XPA: variants seen among roughly 807,000 people sequenced by gnomAD.
XPA encodes the protein DNA repair protein complementing XP-A cells.
In XPA, 27 loss-of-function variants were observed where a neutral mutation model predicts 35.7. That is an observed-to-expected ratio of 0.76 (90% CI 0.56 to 1.04). The LOEUF (loss-of-function observed/expected upper bound fraction) is 1.04. XPA is among the 50% of genes least tolerant of loss of function. The pLI, the probability that XPA is intolerant of heterozygous loss-of-function variation, is 0.00. For synonymous variants in XPA, 133 were observed against 118.4 expected (o/e 1.12, Z -0.80); for missense variants, 354 against 342.7 (o/e 1.03, Z -0.26).
At chr9:97,679,259 A>G (rs1318064848) in intron 5 of XPA, among the ~76,000 whole-genome samples, 1 of 152,214 alleles carries the variant, frequency 6.6e-6, no homozygotes, top group African/African-American at 2.4e-5. Flanking sequence ...AAAAAAATAA[A>G]TACTGTGTAT....
At chr9:97,689,274 ACT>A (rs1554701908) in intron 3 of XPA, among the ~76,000 whole-genome samples, 1 of 151,928 alleles carries the variant, frequency 6.6e-6, no homozygotes, top group Non-Finnish European at 1.5e-5. Context: ...ACAAAAAAAA[ACT>A]CAGGCCAGCA....
the XPA span, among the ~76,000 whole-genome samples, chr9:97,657,807 C>T: frequency 1.3e-5 from 2 of 150,588 alleles, no homozygotes; most frequent in South Asian, 2.1e-4. Context: ...ATATTTCATT[C>T]GATGGGTTAT....
intron 5 of XPA, among the ~76,000 whole-genome samples, chr9:97,677,795 T>C (rs1183231145): frequency 6.6e-6 from 1 of 151,904 alleles, no homozygotes; most frequent in Non-Finnish European, 1.5e-5. Flanking sequence ...AATCCAGTCC[T>C]ATGGAGCAAG....
chr9:97,661,243 C>T, the XPA span, among the ~76,000 whole-genome samples: 1 of 152,254 alleles, frequency 6.6e-6, no homozygotes, highest in East Asian at 1.9e-4. Flanking sequence ...GAGATCCTAA[C>T]ATTTCTGTGA....
chr9:97,697,214 T>C lies in XPA; in HGVS notation c.79A>G (p.Ser27Gly), dbSNP rs1274100357. The C allele has an allele frequency of 6.2e-7, 1 of 1,601,198 alleles. No homozygotes were observed. Among genetic ancestry groups the C allele is most frequent in the South Asian group, 1.1e-5 (1 of 90,880 alleles). ...PAELPASVRA[S>G]IERKRQRALM... is the part of the protein sequence containing the mutation. ...GCCCGCTGCCGCTTCCGCTCGATAC[T>C]CGCCCGCACCGAGGCAGGCAGCTCC... is the stretch of plus-strand genomic sequence containing the variant. The change falls in exon 1 of 6, where the codon AGT becomes GGT. Residue 27 changes from serine (S) to glycine (G), a missense_variant. By Grantham distance (56) the Ser-to-Gly change is moderately conservative (BLOSUM62 0). Coordinates refer to ENST00000375128, the MANE Select transcript of XPA (RefSeq NM_000380.4).
the XPA span, among the ~76,000 whole-genome samples, chr9:97,657,885 G>GCTCTCTCTCTCTCT: frequency 3.8e-3 from 438 of 113,776 alleles, 3 homozygotes; most frequent in African/African-American, 0.015. Context: ...GCCCCGGTAA[G>GCTCTCTCTCTCTCT]CTCTCTCTCT....
the XPA span, among the ~76,000 whole-genome samples, chr9:97,663,643 C>T: frequency 7.9e-5 from 12 of 151,866 alleles, no homozygotes; most frequent in Non-Finnish European, 1.6e-4. Flanking sequence ...CACCACCACA[C>T]CTGGCTGATT....
chr9:97,667,984 G>T, the XPA span, among the ~76,000 whole-genome samples: 5 of 152,196 alleles, frequency 3.3e-5, no homozygotes, highest in Non-Finnish European at 7.4e-5. Context: ...AATGGGCTGT[G>T]TTTATAGAGA....
the XPA span, among the ~76,000 whole-genome samples, chr9:97,667,417 T>TA: frequency 6.6e-6 from 1 of 152,014 alleles, no homozygotes; most frequent in Non-Finnish European, 1.5e-5. Context: ...TAGTAGAAGG[T>TA]GAAAAAAAGT....
the XPA span, among the ~76,000 whole-genome samples, chr9:97,660,033 AT>A: frequency 6.6e-6 from 1 of 152,130 alleles, no homozygotes; most frequent in South Asian, 2.1e-4. Flanking sequence ...AGCTGTAAAT[AT>A]TTTTTAACCG....
intron 2 of XPA, among the ~76,000 whole-genome samples, chr9:97,691,478 G>T (rs1449359669): frequency 6.6e-6 from 1 of 152,134 alleles, no homozygotes; most frequent in Non-Finnish European, 1.5e-5. Context: ...AAGGTGGGTG[G>T]ATCACTTGAG....
the XPA span, chr9:97,654,731 GAA>G: frequency 1.4e-6 from 1 of 739,026 alleles, no homozygotes; most frequent in African/African-American, 1.8e-5. Context: ...AAAGCTGTAA[GAA>G]AAAACAAAAA....
the XPA span, among the ~76,000 whole-genome samples, chr9:97,657,947 G>A: frequency 1.1e-4 from 12 of 104,934 alleles, no homozygotes; most frequent in South Asian, 3.0e-4. Context: ...TTTTTTTAAC[G>A]TCCCCAGCCA....
chr9:97,656,212 T>C, the XPA span: 1 of 795,834 alleles, frequency 1.3e-6, no homozygotes, highest in Non-Finnish European at 2.0e-6. Flanking sequence ...CCATTTTTAA[T>C]CAAGACTTAG....
downstream of XPA, chr9:97,674,902 A>AACATGATC: frequency 2.0e-6 from 1 of 498,260 alleles, no homozygotes; most frequent in Non-Finnish European, 4.0e-6. Flanking sequence ...GAGTACAGAA[A>AACATGATC]ACATGATCAG....
At chr9:97,672,017 T>C (rs1250269022), downstream of XPA, 1 of 152,200 alleles carries the variant, frequency 6.6e-6, no homozygotes. Flanking sequence ...AAAGTGGATG[T>C]AGAAGTGGTC....
the XPA span, among the ~76,000 whole-genome samples, chr9:97,669,407 A>C: frequency 6.6e-6 from 1 of 152,220 alleles, no homozygotes; most frequent in Non-Finnish European, 1.5e-5. Flanking sequence ...GCCAGGAAGA[A>C]TGTACCAACT....
rs562709880 is a variant in XPA at position 97,691,493 on chromosome 9, G to A, written c.284-1854C>T. Reference sequence around the variant, plus strand: ...AAGGTGGGTGGATCACTTGAGTCCAGGAGTTCGACACCAGCCTGGTCAACA... The same window carrying A: ...AAGGTGGGTGGATCACTTGAGTCCAAGAGTTCGACACCAGCCTGGTCAACA... On this transcript the variant is annotated intron_variant, in intron 2 of 5. Coordinates refer to ENST00000375128, the MANE Select transcript of XPA (RefSeq NM_000380.4). Among the ~76,000 whole-genome samples the A allele has an allele frequency of 2.0e-5, 3 of 152,242 alleles. No homozygotes were observed. The South Asian group carries it at 6.2e-4, about 32-fold the overall frequency.
At chr9:97,671,031 A>G, downstream of XPA, 1 of 1,190,708 alleles carries the variant, frequency 8.4e-7, no homozygotes, top group Non-Finnish European at 1.2e-6. Flanking sequence ...AATGTTCCAC[A>G]AGATTGCTTA....
Sources: gnomAD v4.1 joint callset for allele counts (sites outside exome capture counted in the v4.1 genomes callset) on GRCh38, gnomAD v4.1.1 for gene constraint, MANE v1.5 for transcripts, NCBI Gene and HGNC (gene_info 2026-07-23, HGNC 2026-07-21) for gene names.